DIP2C: variants seen among roughly 807,000 people sequenced by gnomAD.
The protein encoded by DIP2C is disco-interacting protein 2 homolog C.
Under a neutral mutation model 192.4 loss-of-function variants are expected in DIP2C, and 33 were observed. That is an observed-to-expected ratio of 0.17 (90% CI 0.13 to 0.23). The LOEUF is 0.23. Among genes scored for constraint, DIP2C ranks in the 10% least tolerant of loss-of-function variants. The pLI, the probability that DIP2C is intolerant of heterozygous loss-of-function variation, is 1.00. For synonymous variants in DIP2C, 979 were observed against 864.1 expected, an observed-to-expected ratio of 1.13 and a Z score of -2.33; for missense variants, 1,537 against 2,110.1, an observed-to-expected ratio of 0.73 and a Z score of 5.32.
intron 32 of DIP2C, among the ~76,000 whole-genome samples, chr10:295,264 T>C (rs1955693546): frequency 6.6e-6 from 1 of 151,910 alleles, no homozygotes. Context: ...CTCATTCCAG[T>C]TAGATGGCTA....
chr10:507,154 G>A (rs189942282), intron 1 of DIP2C, among the ~76,000 whole-genome samples: 3 of 152,020 alleles, frequency 2.0e-5, no homozygotes, highest in South Asian at 2.1e-4. Flanking sequence ...TCAGAGCCAT[G>A]CGACGTTACA....
At chr10:395,118 G>T (rs1464526317) in intron 10 of DIP2C, among the ~76,000 whole-genome samples, 3 of 128,896 alleles carry the variant, frequency 2.3e-5, no homozygotes, top group African/African-American at 5.7e-5. Flanking sequence ...AGGAGTTGGG[G>T]GGAGGGAGGA....
chr10:300,840 G>C (rs1013721797), intron 32 of DIP2C, among the ~76,000 whole-genome samples: 2 of 152,146 alleles, frequency 1.3e-5, no homozygotes, highest in Admixed American at 6.5e-5. Context: ...ACCGGATCCA[G>C]GGGCGGCCCT....
chr10:529,180 G>A (rs1055173382), intron 1 of DIP2C, among the ~76,000 whole-genome samples: 5 of 152,158 alleles, frequency 3.3e-5, no homozygotes, highest in African/African-American at 9.7e-5. Flanking sequence ...GATGGGAACT[G>A]GGACACTGCA....
At chr10:395,944 G>A (rs1320031119) in intron 10 of DIP2C, among the ~76,000 whole-genome samples, 5 of 152,182 alleles carry the variant, frequency 3.3e-5, no homozygotes, top group Non-Finnish European at 7.3e-5. Context: ...TCGGACCACA[G>A]AGAGTCCCCC....
Position 585,234 on chromosome 10 carries a change from G to A in DIP2C, c.86-98704C>T, listed in dbSNP as rs79679242. Reference sequence around the variant, plus strand: ...TCCCACTGACTTCGTCAGAGCAAGCGTTCCCCATCCCACGCCACCCTGTTT... The same window carrying A: ...TCCCACTGACTTCGTCAGAGCAAGCATTCCCCATCCCACGCCACCCTGTTT... On this transcript the variant is annotated intron_variant, in intron 1 of 36. Coordinates refer to ENST00000280886, the MANE Select transcript of DIP2C (RefSeq NM_014974.3). 9.0e-3 allele frequency among the ~76,000 whole-genome samples: 1,370 copies of A among 152,306 alleles called. 28 individuals carry two copies. Among genetic ancestry groups the A allele is most frequent in the African/African-American group, 0.031 (1,305 of 41,564 alleles).
intron 1 of DIP2C, among the ~76,000 whole-genome samples, chr10:575,193 C>A (rs554274895): frequency 2.0e-5 from 3 of 152,322 alleles, no homozygotes; most frequent in Non-Finnish European, 4.4e-5. Flanking sequence ...CCATGCTAAT[C>A]TGAAACATGG....
chr10:605,964 C>T (rs1852429359), intron 1 of DIP2C, among the ~76,000 whole-genome samples: 1 of 152,198 alleles, frequency 6.6e-6, no homozygotes, highest in African/African-American at 2.4e-5. Context: ...TGAAAGGTCC[C>T]ACTTGCGAGA....
chr10:560,407 CTG>C lies in DIP2C; in HGVS notation c.86-73879_86-73878del, dbSNP rs141953149. 5.0e-3 allele frequency among the ~76,000 whole-genome samples: 754 copies of C among 152,148 alleles called. 8 individuals are homozygous for C. Among genetic ancestry groups the C allele is most frequent in the African/African-American group, 0.018 (734 of 41,500 alleles). ...TAAAAAAAAAAAGAAAAAAGTGTCA[CTG>C]TTAAGTAGGAGTCCATCAGGATTTA... On this transcript the variant is annotated intron_variant, in intron 1 of 36. Transcript: ENST00000280886.
At chr10:588,593 G>T (rs1255461611) in intron 1 of DIP2C, among the ~76,000 whole-genome samples, 1 of 152,192 alleles carries the variant, frequency 6.6e-6, no homozygotes, top group Admixed American at 6.5e-5. Flanking sequence ...CCCGGCAGAG[G>T]TCCCAGGAGG....
chr10:523,268 C>A (rs1217311959), intron 1 of DIP2C, among the ~76,000 whole-genome samples: 1 of 151,784 alleles, frequency 6.6e-6, no homozygotes, highest in African/African-American at 2.4e-5. Flanking sequence ...CTCGTTTCCA[C>A]CTGAGCAAAG....
At position 463,662 on chromosome 10, in the gene DIP2C, A is replaced by C. The variant is rs376209978; in HGVS notation, c.268+8777T>G. On this transcript the variant is annotated intron_variant, in intron 3 of 36. Transcript: ENST00000280886. ...ACTACTTTAAATTTCATATGGAACC[A>C]AAAAACAGAGCCCACATAGCCAAGA... 2.4e-4 allele frequency among the ~76,000 whole-genome samples: 37 copies of C among 152,328 alleles called. No individual in the cohort carries two copies. In the East Asian group the frequency reaches 5.6e-3, roughly 23 times the overall value.
chr10:417,745 C>CT (rs1965790369), intron 6 of DIP2C, among the ~76,000 whole-genome samples: 2 of 130,724 alleles, frequency 1.5e-5, no homozygotes, highest in African/African-American at 6.4e-5. Flanking sequence ...CCTGTCAGGG[C>CT]TCGGATAGGC....
intron 1 of DIP2C, among the ~76,000 whole-genome samples, chr10:672,017 AGCCACAGACGCACGGAAGGAGGAAACAG>A (rs1486240947): frequency 9.0e-6 from 1 of 110,872 alleles, no homozygotes; most frequent in African/African-American, 3.6e-5. Context: ...ACGGAGGAAA[AGCCACAGACGCACGGAAGGAGGAAACAG>A]GCCACAGACA....
intron 1 of DIP2C, among the ~76,000 whole-genome samples, chr10:633,093 G>A (rs1219875734): frequency 2.0e-5 from 3 of 152,256 alleles, no homozygotes; most frequent in Non-Finnish European, 4.4e-5. Flanking sequence ...GGATGAGGAC[G>A]AGATCCTTCT....
In DIP2C at chr10:582,600, T is replaced by C. The variant is rs191785743; in HGVS notation, c.86-96070A>G. 2.2e-3 allele frequency among the ~76,000 whole-genome samples: 331 copies of C among 152,046 alleles called. 2 individuals are homozygous for C. The highest frequency in any genetic ancestry group is 7.6e-3 in the African/African-American group (313 of 41,438). ...CCTGTCTCAGAAAATATAAATAAAC[T>C]AAAAACCAACAGAAACTGGATGCGT... On this transcript the variant is annotated intron_variant, in intron 1 of 36. Coordinates refer to ENST00000280886, the MANE Select transcript of DIP2C (RefSeq NM_014974.3).
chr10:463,915 A>T (rs1969994376), intron 3 of DIP2C, among the ~76,000 whole-genome samples: 1 of 152,208 alleles, frequency 6.6e-6, no homozygotes, highest in Non-Finnish European at 1.5e-5. Flanking sequence ...TATTTAATAA[A>T]TGGTGTTGGG....
chr10:570,728 T>A (rs983507619), intron 1 of DIP2C, among the ~76,000 whole-genome samples: 1 of 152,244 alleles, frequency 6.6e-6, no homozygotes, highest in African/African-American at 2.4e-5. Context: ...GGAAGCTTTG[T>A]AGATAAGTCC....
rs139165289 is a variant in DIP2C at position 302,262 on chromosome 10, G to A, written c.3986+7769C>T. ...AAGAATCCTCCTAATGACTCTAGGA[G>A]TGGCACTGCTTTTGCCATTTCACAG... On this transcript the variant is annotated intron_variant, in intron 32 of 36. Coordinates refer to ENST00000280886, the MANE Select transcript of DIP2C (RefSeq NM_014974.3). Among the ~76,000 whole-genome samples the A allele has an allele frequency of 2.1e-3, 315 of 152,260 alleles. 2 individuals carry two copies. Among genetic ancestry groups the A allele is most frequent in the African/African-American group, 7.3e-3 (303 of 41,536 alleles).
Sources: gnomAD v4.1 joint callset for allele counts (sites outside exome capture counted in the v4.1 genomes callset) on GRCh38, gnomAD v4.1.1 for gene constraint, MANE v1.5 for transcripts, NCBI Gene and HGNC (gene_info 2026-07-23, HGNC 2026-07-21) for gene names.